Variants in CDKL2 observed in about 807,000 individuals in gnomAD.
CDKL2 encodes cyclin-dependent kinase-like 2.
A neutral mutation model predicts 63.9 loss-of-function variants in CDKL2; 64 were observed. The ratio of observed to expected loss-of-function variants is 1.00; its 90% confidence interval spans 0.82 to 1.23. CDKL2 has a LOEUF of 1.23. Among genes scored for constraint, CDKL2 ranks in the 50% most tolerant of loss-of-function variants. The pLI is 0.00. For missense variants in CDKL2, 656 were observed against 668.0 expected, an observed-to-expected ratio of 0.98 and a Z score of 0.20; for synonymous variants, 211 against 229.2, an observed-to-expected ratio of 0.92 and a Z score of 0.72.
At position 75,600,838 on chromosome 4, in the gene CDKL2, T is replaced by C. The variant is rs910864483; in HGVS notation, c.796-469A>G. 4.6e-5 allele frequency among the ~76,000 whole-genome samples: 7 copies of C among 152,164 alleles called. No individual in the cohort carries two copies. The East Asian group carries it at 1.3e-3, about 29-fold the overall frequency. On this transcript the variant is annotated intron_variant, in intron 6 of 13. Coordinates refer to ENST00000307465, the MANE Select transcript of CDKL2 (RefSeq NM_001330724.2). ...GACAATGACCGTCAGTGGTTGCTAG[T>C]ATCACAAAAAGACCACCAAACATTC...
rs1730634386 is a variant in CDKL2, at chr4:75,630,492, C to T, written c.-480G>A. ...CTGGGAACCTGCACCGCTCCAACTA[C>T]CCCTGGGCGAAGGCGTTGGCCGCGG... is the stretch of plus-strand genomic sequence containing the variant. On this transcript the variant is annotated 5_prime_UTR_variant, in exon 1 of 14. Transcript: ENST00000307465. The T allele has an allele frequency of 6.6e-6, 1 of 152,324 alleles. No individual in the cohort carries two copies. The highest frequency in any genetic ancestry group is 1.5e-5 in the Non-Finnish European group (1 of 68,094). The allele number at this position is 152,324 out of a possible 1,614,324, so 9.4% of individuals were successfully genotyped here. A position where few individuals can be genotyped will look rare whatever the true frequency, so the allele number is the denominator to read the frequency against.
At chr4:75,581,225 A>T (rs1206618000) in intron 13 of CDKL2, among the ~76,000 whole-genome samples, 1 of 152,180 alleles carries the variant, frequency 6.6e-6, no homozygotes, top group African/African-American at 2.4e-5. Flanking sequence ...TCATAGTGCA[A>T]TGCATTACCT....
chr4:75,620,938 ATTT>A (rs35252668), intron 2 of CDKL2, among the ~76,000 whole-genome samples: 30 of 142,848 alleles, frequency 2.1e-4, no homozygotes, highest in Middle Eastern at 3.6e-3. Flanking sequence ...ATAGCTGAGC[ATTT>A]TTTTTTTTTT....
intron 7 of CDKL2, among the ~76,000 whole-genome samples, chr4:75,599,455 G>C (rs906375229): frequency 6.6e-6 from 1 of 151,254 alleles, no homozygotes; most frequent in South Asian, 2.1e-4. Context: ...CAGCTACTCG[G>C]GAGGCTGAGG....
intron 12 of CDKL2, among the ~76,000 whole-genome samples, chr4:75,585,339 G>A (rs1297600369): frequency 6.6e-6 from 1 of 152,142 alleles, no homozygotes; most frequent in Non-Finnish European, 1.5e-5. Context: ...CTACTCAAGA[G>A]GCTCAGGAGG....
At chr4:75,588,868 TTCCTC>T (rs1728585848) in intron 12 of CDKL2, among the ~76,000 whole-genome samples, 1 of 576 alleles carries the variant, frequency 1.7e-3, no homozygotes, top group East Asian at 0.056. Context: ...TAGCAAGGAA[TTCCTC>T]AAAGGAATTC....
intron 13 of CDKL2, among the ~76,000 whole-genome samples, chr4:75,580,251 A>G (rs1209471751): frequency 6.7e-6 from 1 of 148,838 alleles, no homozygotes; most frequent in Non-Finnish European, 1.5e-5. Flanking sequence ...AGAGCAAGAC[A>G]CCGTCTCAAA....
chr4:75,626,963 G>C (rs1388819294), intron 1 of CDKL2, among the ~76,000 whole-genome samples: 1 of 152,022 alleles, frequency 6.6e-6, no homozygotes, highest in Non-Finnish European at 1.5e-5. Context: ...CAGCACTTTA[G>C]AAGGCGGAGG....
chr4:75,608,115 C>G (rs1729508030), intron 3 of CDKL2, among the ~76,000 whole-genome samples: 1 of 111,234 alleles, frequency 9.0e-6, no homozygotes, highest in Admixed American at 1.1e-4. Context: ...GCGCCCGGGC[C>G]AAAAACCTTT....
At chr4:75,609,863 G>C (rs960572782) in intron 3 of CDKL2, among the ~76,000 whole-genome samples, 1 of 151,946 alleles carries the variant, frequency 6.6e-6, no homozygotes, top group Non-Finnish European at 1.5e-5. Flanking sequence ...AGATATCAGT[G>C]ATGAGGACAC....
Position 75,605,612 on chromosome 4 carries a change from CA to C in CDKL2, c.564del (p.Ile188MetfsTer5). On this transcript the variant is annotated frameshift_variant, in exon 5 of 14. Coordinates refer to ENST00000307465, the MANE Select transcript of CDKL2 (RefSeq NM_001330724.2). LOFTEE classifies it high-confidence loss of function. ...KYGKAVDVWA[I>X]GCLVTEMFMG... ...ATGAACATTTCAGTTACCAGACAACCAATGGCCCACACATCAACAGCCCTGA... is the reference window on the plus strand; with the variant it reads ...ATGAACATTTCAGTTACCAGACAACCATGGCCCACACATCAACAGCCCTGA... The C allele has an allele frequency of 6.2e-7, 1 of 1,613,048 alleles. No individual in the cohort carries two copies. The highest frequency in any genetic ancestry group is 8.5e-7 in the Non-Finnish European group (1 of 1,179,086).
Position 75,577,633 on chromosome 4 carries a change from G to A in CDKL2, c.*1569C>T. On this transcript the variant is annotated 3_prime_UTR_variant, in exon 14 of 14. Coordinates refer to ENST00000307465, the MANE Select transcript of CDKL2 (RefSeq NM_001330724.2). ...GTTTGCCATGCTGCAGAATCTATTG[G>A]CAGTGTTTTTCAAAGTAAAAATAAA... Among the ~76,000 whole-genome samples the A allele has an allele frequency of 6.6e-6, 1 of 152,126 alleles. No homozygotes were observed.
intron 10 of CDKL2, among the ~76,000 whole-genome samples, chr4:75,594,656 T>C (rs1299580524): frequency 6.6e-6 from 1 of 151,866 alleles, no homozygotes; most frequent in African/African-American, 2.4e-5. Flanking sequence ...GGAGGCATAA[T>C]GAGTTACAAG....
At chr4:75,625,127 A>T (rs1578356888) in intron 2 of CDKL2, among the ~76,000 whole-genome samples, 1 of 152,310 alleles carries the variant, frequency 6.6e-6, no homozygotes, top group East Asian at 1.9e-4. Context: ...TGAACAACAC[A>T]ATTAACATGA....
At chr4:75,615,225 G>T (rs1729880111) in intron 2 of CDKL2, among the ~76,000 whole-genome samples, 1 of 152,048 alleles carries the variant, frequency 6.6e-6, no homozygotes, top group Non-Finnish European at 1.5e-5. Context: ...TGTGAATTAT[G>T]GTAAATTCCT....
chr4:75,628,518 G>C (rs955418376), intron 1 of CDKL2, among the ~76,000 whole-genome samples: 5 of 152,004 alleles, frequency 3.3e-5, no homozygotes, highest in African/African-American at 1.2e-4. Flanking sequence ...GCAATCATTG[G>C]ACAAAATGCT....
Position 75,600,301 on chromosome 4 carries a change from T to G in CDKL2, c.864A>C (p.Gln288His). 6.2e-7 allele frequency: 1 copy of G among 1,613,106 alleles called. No homozygotes were observed. Among genetic ancestry groups the G allele is most frequent in the Non-Finnish European group, 8.5e-7 (1 of 1,179,252 alleles). ...CAELLHHDFF[Q>H]MDGFAERFSQ... is the part of the protein sequence containing the mutation. ...TATACCTCTCAGCAAATCCATCCATTTGAAAGAAATCATGGTGTAGGAGCT... is the reference window on the plus strand; with the variant it reads ...TATACCTCTCAGCAAATCCATCCATGTGAAAGAAATCATGGTGTAGGAGCT... Residue 288 changes from glutamine to histidine, a missense_variant, in exon 7 of 14, where the codon CAA (glutamine) becomes CAC (histidine). By Grantham distance (24) the Gln-to-His change is conservative. Coordinates refer to ENST00000307465, the MANE Select transcript of CDKL2 (RefSeq NM_001330724.2).
intron 5 of CDKL2, among the ~76,000 whole-genome samples, chr4:75,605,077 G>C (rs1000898278): frequency 6.6e-5 from 10 of 152,202 alleles, no homozygotes; most frequent in African/African-American, 2.4e-4. Context: ...CACGTGGCTG[G>C]GCGCGGTGGC....
At chr4:75,595,976 A>C in intron 10 of CDKL2, 3 of 154,206 alleles carry the variant, frequency 1.9e-5, no homozygotes, top group South Asian at 1.3e-4. Flanking sequence ...AAGGAAGGAA[A>C]GAAGGAAGGA....
Sources: gnomAD v4.1 joint callset for allele counts (sites outside exome capture counted in the v4.1 genomes callset) on GRCh38, gnomAD v4.1.1 for gene constraint, MANE v1.5 for transcripts, NCBI Gene and HGNC (gene_info 2026-07-23, HGNC 2026-07-21) for gene names.